The following XYLB variants were observed in gnomAD, a reference collection of about 807,000 sequenced individuals.
XYLB encodes the protein xylulokinase, also known as xylulose kinase.
In XYLB, 62 loss-of-function variants were observed where a neutral mutation model predicts 78.7. That is an observed-to-expected ratio of 0.79 (90% CI 0.64 to 0.97). The LOEUF (loss-of-function observed/expected upper bound fraction) is 0.97, where lower values mean the gene tolerates loss of function less well. Among genes scored for constraint, XYLB ranks in the 50% least tolerant of loss-of-function variants. The pLI is 0.00. For synonymous variants in XYLB, 245 were observed against 247.4 expected (o/e 0.99, Z 0.09); for missense variants, 687 against 676.8 (o/e 1.02, Z -0.17).
At chr3:38,426,782 G>A in the XYLB span, among the ~76,000 whole-genome samples, 1 of 152,160 alleles carries the variant, frequency 6.6e-6, no homozygotes, top group African/African-American at 2.4e-5. Flanking sequence ...CCCTAACCCT[G>A]TCATAAACAG....
chr3:38,363,974 G>A (rs533421399), intron 4 of XYLB, among the ~76,000 whole-genome samples: 2 of 152,228 alleles, frequency 1.3e-5, no homozygotes, highest in East Asian at 3.9e-4. Flanking sequence ...TTTGGTTCTT[G>A]TTAAACACAA....
chr3:38,434,442 T>G, the XYLB span, among the ~76,000 whole-genome samples: 1 of 152,202 alleles, frequency 6.6e-6, no homozygotes, highest in Non-Finnish European at 1.5e-5. Flanking sequence ...AAGAAAAATG[T>G]CAACAGCCAA....
the XYLB span, among the ~76,000 whole-genome samples, chr3:38,438,545 C>G: frequency 6.6e-6 from 1 of 152,252 alleles, no homozygotes; most frequent in East Asian, 1.9e-4. Context: ...CCTGAATAGC[C>G]ATAGTGTTTC....
At chr3:38,398,491 C>A (rs900721924) in intron 17 of XYLB, among the ~76,000 whole-genome samples, 1 of 151,612 alleles carries the variant, frequency 6.6e-6, no homozygotes, top group Non-Finnish European at 1.5e-5. Flanking sequence ...AAATAATTAA[C>A]CTCTTACTCA....
intron 2 of XYLB, among the ~76,000 whole-genome samples, chr3:38,352,179 A>G (rs546100536): frequency 7.9e-5 from 12 of 152,226 alleles, no homozygotes; most frequent in African/African-American, 2.9e-4. Context: ...AATGAAAAGT[A>G]TACAGTGAAA....
chr3:38,397,455 G>A (rs1053361332), intron 17 of XYLB, among the ~76,000 whole-genome samples: 14 of 152,202 alleles, frequency 9.2e-5, no homozygotes, highest in Non-Finnish European at 1.3e-4. Flanking sequence ...TTGAGAGCAC[G>A]TGGGCATGAG....
chr3:38,375,440 G>T (rs1209579040), intron 12 of XYLB, among the ~76,000 whole-genome samples, 181 bp downstream of exon 12: 3 of 152,172 alleles, frequency 2.0e-5, no homozygotes, highest in African/African-American at 7.2e-5. Flanking sequence ...AGCAGAGCTG[G>T]GTGGGGAATA....
At position 38,412,955 on chromosome 3, in the gene XYLB, C is replaced by G; in HGVS notation, c.1553C>G (p.Pro518Arg). 6.2e-7 allele frequency: 1 copy of G among 1,603,560 alleles called. No homozygotes were observed. The highest frequency in any genetic ancestry group is 8.5e-7 in the Non-Finnish European group (1 of 1,175,584). The change falls in exon 19 of 19, where the codon CCC becomes CGC. Residue 518 changes from proline to arginine, a missense_variant. Transcript: ENST00000207870. Reference sequence around the variant, plus strand: ...TTCTAGGTCTACGAGGCCCTTCTCCCCCAGTATGCCAAACTCGAGCAGAGA... The same window carrying G: ...TTCTAGGTCTACGAGGCCCTTCTCCGCCAGTATGCCAAACTCGAGCAGAGA... ...GASQVYEALL[P>R]QYAKLEQRIL...
intron 14 of XYLB, among the ~76,000 whole-genome samples, chr3:38,378,362 G>A (rs1333401792): frequency 2.0e-5 from 3 of 152,230 alleles, no homozygotes; most frequent in African/African-American, 4.8e-5. Flanking sequence ...AACATTGGTG[G>A]CCCTTGCTCC....
the XYLB span, among the ~76,000 whole-genome samples, chr3:38,432,448 T>A: frequency 6.6e-6 from 1 of 152,102 alleles, no homozygotes; most frequent in Non-Finnish European, 1.5e-5. Flanking sequence ...GTGCCTGTAA[T>A]CCCAGCTACT....
rs767754380 is a variant in XYLB at position 38,412,942 on chromosome 3, G to A, written c.1540G>A (p.Glu514Lys). ...TPSPGASQVY[E>K]ALLPQYAKLE... ...GCTTTTTCTGCCCTTCTAGGTCTAC[G>A]AGGCCCTTCTCCCCCAGTATGCCAA... is the stretch of plus-strand genomic sequence containing the variant. Residue 514 changes from glutamate (E) to lysine (K), a missense_variant, in exon 19 of 19, where the codon GAG (glutamate) becomes AAG (lysine). Transcript: ENST00000207870. 1.4e-5 allele frequency: 23 copies of A among 1,601,978 alleles called. No individual in the cohort carries two copies. The highest frequency in any genetic ancestry group is 2.7e-5 in the African/African-American group (2 of 73,946).
intron 4 of XYLB, 95 bp from the exon 5 acceptor site, chr3:38,365,104 G>C: frequency 8.7e-7 from 1 of 1,143,166 alleles, no homozygotes; most frequent in Non-Finnish European, 1.3e-6. Flanking sequence ...GTGGAGCCCA[G>C]TTCTTTGGCA....
At chr3:38,443,753 C>T in the XYLB span, among the ~76,000 whole-genome samples, 1 of 152,058 alleles carries the variant, frequency 6.6e-6, no homozygotes, top group Non-Finnish European at 1.5e-5. Flanking sequence ...TCGAGGGAGT[C>T]AGGTGACAGG....
intron 5 of XYLB, 96 bp downstream of exon 5, chr3:38,365,381 C>A: frequency 7.2e-7 from 1 of 1,398,386 alleles, no homozygotes; most frequent in South Asian, 1.3e-5. Context: ...TGCAGCTGTG[C>A]TCACGCGCCC....
chr3:38,401,915 A>C (rs1459860890), intron 18 of XYLB, among the ~76,000 whole-genome samples: 2 of 152,112 alleles, frequency 1.3e-5, no homozygotes, highest in African/African-American at 4.8e-5. Flanking sequence ...GAAGGGTCTG[A>C]GATTTACCTG....
At chr3:38,451,550 G>T in the XYLB span, 5 of 152,242 alleles carry the variant, frequency 3.3e-5, no homozygotes, top group African/African-American at 1.2e-4. Flanking sequence ...GAACTCAGGA[G>T]GTGGAGGTCG....
chr3:38,416,677 A>G (rs1341919926), downstream of XYLB, among the ~76,000 whole-genome samples: 1 of 152,232 alleles, frequency 6.6e-6, no homozygotes, highest in Non-Finnish European at 1.5e-5. Flanking sequence ...CAAAGATTAC[A>G]GTATCCATAT....
At chr3:38,432,760 A>G in the XYLB span, among the ~76,000 whole-genome samples, 2 of 152,380 alleles carry the variant, frequency 1.3e-5, no homozygotes, top group South Asian at 2.1e-4. Context: ...GGTCATGCTG[A>G]TGCAAGAGGT....
In XYLB at chr3:38,399,479, G is replaced by T. The variant is rs540444749; in HGVS notation, c.1439-1412G>T. ...TTAAGAGAGAATTCAATAGGTGATG[G>T]TTTTGAGGCCTGACATGTCCAACAA... On this transcript the variant is annotated intron_variant, in intron 17 of 18. Coordinates refer to ENST00000207870, the MANE Select transcript of XYLB (RefSeq NM_005108.4). Among the ~76,000 whole-genome samples the T allele has an allele frequency of 1.4e-4, 21 of 152,282 alleles. No individual in the cohort carries two copies. In the East Asian group the frequency reaches 3.7e-3, roughly 27 times the overall value.
Sources: allele counts gnomAD v4.1 joint callset (sites outside exome capture counted in the v4.1 genomes callset), GRCh38; gene constraint gnomAD v4.1.1; transcripts MANE v1.5; gene names NCBI Gene and HGNC (gene_info 2026-07-23, HGNC 2026-07-21).